The following PIK3C2B variants were observed in gnomAD, a reference collection of about 807,000 sequenced individuals.
PIK3C2B encodes phosphatidylinositol-4-phosphate 3-kinase catalytic subunit type 2 beta, also known as phosphatidylinositol 4-phosphate 3-kinase C2 domain-containing subunit beta.
PIK3C2B carries 83 observed loss-of-function variants against 184.3 expected under a neutral mutation model. That is an observed-to-expected ratio of 0.45 (90% CI 0.38 to 0.54). PIK3C2B has a LOEUF of 0.54. Among genes scored for constraint, PIK3C2B ranks in the 20% least tolerant of loss-of-function variants. The pLI is 0.00. For missense variants in PIK3C2B, 1,736 were observed against 2,113.5 expected (o/e 0.82, Z 3.50); for synonymous variants, 779 against 837.6 (o/e 0.93, Z 1.21).
rs1399707931 is a variant in PIK3C2B, at chr1:204,454,428, G to A, written c.2066+241C>T. On this transcript the variant is annotated intron_variant, in intron 12 of 32. Transcript: ENST00000684373. ...ACCCAGGAGGCAGAGCTTGCAGTGA[G>A]CCGAGATCGCACCACTGCACTCCAG... 1.1e-5 allele frequency: 4 copies of A among 349,354 alleles called. No homozygotes were observed. The East Asian group carries it at 2.1e-4, about 18-fold the overall frequency. 21.6% of individuals were successfully genotyped at this position (349,354 alleles called of 1,614,324 possible). A position where few individuals can be genotyped will look rare whatever the true frequency, so the allele number is the denominator to read the frequency against.
In PIK3C2B at chr1:204,441,457, T is replaced by C; in HGVS notation, c.3249+14A>G. On this transcript the variant is annotated intron_variant, in intron 21 of 32. Transcript: ENST00000684373. ...CCCACCCTGGTCCACCAGGCTTGAGTAAAGTATTCTCACCTTGAAGATGAC... is the reference window on the plus strand; with the variant it reads ...CCCACCCTGGTCCACCAGGCTTGAGCAAAGTATTCTCACCTTGAAGATGAC... 6.3e-7 allele frequency: 1 copy of C among 1,579,692 alleles called. No homozygotes were observed. Among genetic ancestry groups the C allele is most frequent in the South Asian group, 1.1e-5 (1 of 90,200 alleles).
chr1:204,461,935 C>A (rs2103505929), intron 5 of PIK3C2B, among the ~76,000 whole-genome samples: 1 of 152,194 alleles, frequency 6.6e-6, no homozygotes, highest in Non-Finnish European at 1.5e-5. Flanking sequence ...TCCTTGGGAA[C>A]TAGCAGATTT....
chr1:204,480,302 G>A (rs1172452621), intron 1 of PIK3C2B, among the ~76,000 whole-genome samples: 3 of 152,204 alleles, frequency 2.0e-5, no homozygotes, highest in African/African-American at 7.2e-5. Flanking sequence ...TTTCTCAGAT[G>A]TCCAAAAGGT....
rs745577204 is a variant in PIK3C2B, at chr1:204,459,869, C to T, written c.1566+9G>A. 3.1e-6 allele frequency: 5 copies of T among 1,611,616 alleles called. No individual in the cohort carries two copies. Among genetic ancestry groups the T allele is most frequent in the East Asian group, 2.2e-5 (1 of 44,854 alleles). On this transcript the variant is annotated intron_variant, in intron 8 of 32. Coordinates refer to ENST00000684373, the MANE Select transcript of PIK3C2B (RefSeq NM_001377334.1). ...GGGCAGCAGGGCCAGCCCCTGGATT[C>T]GTACTCACATCAGCCAGCAGGAAGG... is the stretch of plus-strand genomic sequence containing the variant.
At chr1:204,437,865 G>C (rs1351537517) in intron 23 of PIK3C2B, among the ~76,000 whole-genome samples, 1 of 152,222 alleles carries the variant, frequency 6.6e-6, no homozygotes, top group Non-Finnish European at 1.5e-5. Context: ...AGGTGGAAAA[G>C]TCCAGCAAGA....
intron 28 of PIK3C2B, among the ~76,000 whole-genome samples, chr1:204,430,899 C>G (rs1675017462): frequency 1.3e-5 from 2 of 152,174 alleles, no homozygotes; most frequent in Admixed American, 1.3e-4. Context: ...GGCAATCTGC[C>G]CACCTAGGCC....
intron 12 of PIK3C2B, 23 bp downstream of exon 12, chr1:204,454,646 T>C (rs764756664): frequency 6.2e-7 from 1 of 1,611,366 alleles, no homozygotes; most frequent in Non-Finnish European, 8.5e-7. Flanking sequence ...GCCTGGGCAC[T>C]GAAGCCTGGG....
intron 19 of PIK3C2B, 97 bp from the exon 20 acceptor site, chr1:204,442,730 T>C: frequency 2.6e-6 from 2 of 761,052 alleles, no homozygotes; most frequent in South Asian, 3.3e-5. Flanking sequence ...GTAGTCGGTA[T>C]GAAAACCACC....
intron 2 of PIK3C2B, among the ~76,000 whole-genome samples, chr1:204,467,832 T>TTAAAAAAAAAA (rs1558269295): frequency 4.6e-4 from 1 of 2,172 alleles, no homozygotes. Context: ...AGACTCTGTC[T>TTAAAAAAAAAA]CAAAAAAAAA....
intron 1 of PIK3C2B, among the ~76,000 whole-genome samples, chr1:204,477,440 C>A (rs1200122169): frequency 6.6e-6 from 1 of 152,178 alleles, no homozygotes; most frequent in Non-Finnish European, 1.5e-5. Context: ...CAGGTCGGTG[C>A]CAGGGTCTGA....
chr1:204,489,965 G>A (rs61760613), intron 1 of PIK3C2B: 2 of 396,542 alleles, frequency 5.0e-6, no homozygotes, highest in Non-Finnish European at 8.9e-6. Context: ...GATGTGGCTG[G>A]AGAGAATGCT....
At position 204,428,152 on chromosome 1, in the gene PIK3C2B, A is replaced by G; in HGVS notation, c.4467T>C (p.Ala1489=). 1 of 1,605,792 alleles carries G rather than the reference A, an allele frequency of 6.2e-7. No homozygotes were observed. The highest frequency in any genetic ancestry group is 8.5e-7 in the Non-Finnish European group (1 of 1,172,552). The stretch of plus-strand genomic sequence containing the variant: ...AAGATACTGTACCTGAGGACTTAGG[A>G]GCTGGGCTGGTGCCCATAGCCTTCT... ...RDEKAMGTSP[A]PKSSDGTWAR... is the part of the protein sequence containing the mutation. Residue 1489 remains alanine (A), a synonymous_variant, in exon 30 of 33, where the codon GCT becomes GCC. Coordinates refer to ENST00000684373, the MANE Select transcript of PIK3C2B (RefSeq NM_001377334.1).
rs1223648704 is a variant in PIK3C2B at position 204,469,297 on chromosome 1, G to A, written c.506C>T (p.Pro169Leu). 1.9e-6 allele frequency: 3 copies of A among 1,539,246 alleles called. No homozygotes were observed. Among genetic ancestry groups the A allele is most frequent in the South Asian group, 2.6e-5 (2 of 77,886 alleles). Reference protein sequence around the residue: ...LPPRASIWDTPPLPPRKGSPS... With the variant: ...LPPRASIWDTLPLPPRKGSPS... ...GGACCCCTTTCTGGGAGGCAGGGGAGGGGTATCCCAGATAGAAGCTCGGGG... is the reference window on the plus strand; with the variant it reads ...GGACCCCTTTCTGGGAGGCAGGGGAAGGGTATCCCAGATAGAAGCTCGGGG... The change falls in exon 2 of 33, where the codon CCT (proline) becomes CTT (leucine). Residue 169 changes from proline to leucine, a missense_variant. Coordinates refer to ENST00000684373, the MANE Select transcript of PIK3C2B (RefSeq NM_001377334.1).
chr1:204,483,483 T>C (rs931713007), intron 1 of PIK3C2B, among the ~76,000 whole-genome samples: 5 of 87,768 alleles, frequency 5.7e-5, no homozygotes, highest in Non-Finnish European at 1.2e-4. Context: ...AATACCCTGA[T>C]ACTCTGTTTC....
chr1:204,423,486 A>T lies in PIK3C2B; in HGVS notation c.*1366T>A, dbSNP rs1447741662. On this transcript the variant is annotated 3_prime_UTR_variant, in exon 33 of 33. Coordinates refer to ENST00000684373, the MANE Select transcript of PIK3C2B (RefSeq NM_001377334.1). ...AAAATCCATCTGGTAGGGAATAAAGAATATGAAGAGATAAGGGAGTCAGTC... is the reference window on the plus strand; with the variant it reads ...AAAATCCATCTGGTAGGGAATAAAGTATATGAAGAGATAAGGGAGTCAGTC... 6.6e-6 allele frequency: 1 copy of T among 151,952 alleles called. No homozygotes were observed. Among genetic ancestry groups the T allele is most frequent in the East Asian group, 1.9e-4 (1 of 5,182 alleles). 9.4% of individuals were successfully genotyped at this position (151,952 alleles called of 1,614,324 possible). A position where few individuals can be genotyped will look rare whatever the true frequency, so the allele number is the denominator to read the frequency against.
intron 2 of PIK3C2B, among the ~76,000 whole-genome samples, chr1:204,466,048 A>AAGGTCCCAAACGGTCTCCCATCCCAG (rs1655753240): frequency 6.6e-6 from 1 of 152,194 alleles, no homozygotes; most frequent in Non-Finnish European, 1.5e-5. Flanking sequence ...ATTCTCAGAC[A>AAGGTCCCAAACGGTCTCCCATCCCAG]AGGTCCCAAA....
At chr1:204,491,047 T>C (rs977724267) in intron 1 of PIK3C2B, among the ~76,000 whole-genome samples, 2 of 152,140 alleles carry the variant, frequency 1.3e-5, no homozygotes, top group African/African-American at 4.8e-5. Flanking sequence ...GCCCATGAGA[T>C]GTCCCAGGCT....
At chr1:204,470,712 G>A (rs1656246341) in intron 1 of PIK3C2B, among the ~76,000 whole-genome samples, 1 of 152,250 alleles carries the variant, frequency 6.6e-6, no homozygotes, top group African/African-American at 2.4e-5. Flanking sequence ...ATCCACAGCA[G>A]CTTTATTTGT....
chr1:204,484,934 G>A (rs1657465440), intron 1 of PIK3C2B, among the ~76,000 whole-genome samples: 1 of 152,146 alleles, frequency 6.6e-6, no homozygotes, highest in African/African-American at 2.4e-5. Flanking sequence ...ACTGTGTGAA[G>A]TCATATAGCT....
Sources: gnomAD v4.1 joint callset for allele counts (sites outside exome capture counted in the v4.1 genomes callset) on GRCh38, gnomAD v4.1.1 for gene constraint, MANE v1.5 for transcripts, NCBI Gene and HGNC (gene_info 2026-07-23, HGNC 2026-07-21) for gene names.